COL26A1: variants seen among roughly 807,000 people sequenced by gnomAD.
COL26A1 encodes the protein collagen alpha-1(XXVI) chain.
In COL26A1, 41 loss-of-function variants were observed where a neutral mutation model predicts 59.3. The ratio of observed to expected loss-of-function variants is 0.69; its 90% CI spans 0.54 to 0.90. The LOEUF (loss-of-function observed/expected upper bound fraction) is 0.90, where lower values mean the gene tolerates loss of function less well. Ranked by LOEUF, COL26A1 falls within the 40% of genes least tolerant of loss-of-function variation. COL26A1 has a pLI of 0.00. For missense variants in COL26A1, 612 were observed against 602.3 expected, an observed-to-expected ratio of 1.02 and a Z score of -0.17; for synonymous variants, 266 against 256.0, an observed-to-expected ratio of 1.04 and a Z score of -0.37.
chr7:101,536,856 G>A (rs564195847), intron 4 of COL26A1, among the ~76,000 whole-genome samples: 2 of 152,344 alleles, frequency 1.3e-5, no homozygotes, highest in Admixed American at 1.3e-4. Context: ...TGATTATAAA[G>A]TGGCTGCTGC....
At chr7:101,386,329 G>A (rs1791577094) in intron 1 of COL26A1, among the ~76,000 whole-genome samples, 1 of 150,872 alleles carries the variant, frequency 6.6e-6, no homozygotes, top group Non-Finnish European at 1.5e-5. Flanking sequence ...AAGTGCAGTG[G>A]CACGATCACG....
At chr7:101,542,883 G>A (rs868596961) in intron 5 of COL26A1, among the ~76,000 whole-genome samples, 36 of 152,340 alleles carry the variant, frequency 2.4e-4, no homozygotes, top group African/African-American at 7.9e-4. Flanking sequence ...TTTCTTGGGG[G>A]ATGGAGGAGG....
At chr7:101,523,556 G>A (rs1795181441) in intron 3 of COL26A1, among the ~76,000 whole-genome samples, 1 of 152,066 alleles carries the variant, frequency 6.6e-6, no homozygotes, top group Non-Finnish European at 1.5e-5. Context: ...TTTTGCACGT[G>A]GTATGGATTA....
intron 2 of COL26A1, among the ~76,000 whole-genome samples, 184 bp from the exon 3 acceptor site, chr7:101,447,500 C>A (rs1793226262): frequency 6.6e-6 from 1 of 152,234 alleles, no homozygotes; most frequent in Non-Finnish European, 1.5e-5. Context: ...ATAACTTCCT[C>A]CGTTATGATT....
chr7:101,513,328 T>C (rs1425806510), intron 3 of COL26A1, among the ~76,000 whole-genome samples: 1 of 150,764 alleles, frequency 6.6e-6, no homozygotes, highest in African/African-American at 2.4e-5. Flanking sequence ...TTATTTATTT[T>C]TATTTTTATT....
intron 1 of COL26A1, among the ~76,000 whole-genome samples, chr7:101,406,245 C>T (rs2130221064): frequency 6.6e-6 from 1 of 152,288 alleles, no homozygotes; most frequent in South Asian, 2.1e-4. Flanking sequence ...TGGACAGTTC[C>T]AGTAAAAACT....
rs370309900 is a variant in COL26A1, at chr7:101,553,344, G to T, written c.1048G>T (p.Gly350Trp). 1.2e-6 allele frequency: 2 copies of T among 1,613,716 alleles called. No individual in the cohort carries two copies. The highest frequency in any genetic ancestry group is 1.7e-5 in the Admixed American group (1 of 60,000). ...VGPSGEPGVK[G>W]EEGEKAATAE... ...TTCTTAGGGTGAACCTGGCGTGAAGGGGGAAGAAGGAGAGAAAGCCGCCAC... is the reference window on the plus strand; with the variant it reads ...TTCTTAGGGTGAACCTGGCGTGAAGTGGGAAGAAGGAGAGAAAGCCGCCAC... Residue 350 changes from glycine (G) to tryptophan (W), a missense_variant, in exon 11 of 13, where the codon GGG (glycine) becomes TGG (tryptophan). By Grantham distance (184) the Gly-to-Trp change is radical. Coordinates refer to ENST00000313669, the MANE Select transcript of COL26A1 (RefSeq NM_001278563.3).
chr7:101,397,034 G>A (rs1791871589), intron 1 of COL26A1, among the ~76,000 whole-genome samples: 1 of 152,160 alleles, frequency 6.6e-6, no homozygotes, highest in Non-Finnish European at 1.5e-5. Context: ...AGCATGGGAT[G>A]GAGAGACATG....
At position 101,362,935 on chromosome 7, in the gene COL26A1, G is replaced by C. The variant is rs4989271; in HGVS notation, c.-98G>C. On this transcript the variant is annotated 5_prime_UTR_variant, in exon 1 of 13. Coordinates refer to ENST00000313669, the MANE Select transcript of COL26A1 (RefSeq NM_001278563.3). ...GACCGCTCGCCCCGCTCCTCTCGCT[G>C]TGCTCCCGGCCGGTGCCGCGGGTTC... 667,866 of 1,286,428 alleles carry C rather than the reference G, an allele frequency of 0.52. 177,688 individuals are homozygous for C. The highest frequency in any genetic ancestry group is 0.81 in the African/African-American group (51,672 of 63,908). 79.7% of individuals were successfully genotyped at this position (1,286,428 alleles called of 1,614,324 possible). A position where few individuals can be genotyped will look rare whatever the true frequency, so the allele number is the denominator to read the frequency against.
chr7:101,528,513 T>G, intron 3 of COL26A1, among the ~76,000 whole-genome samples: 1 of 145,846 alleles, frequency 6.9e-6, no homozygotes, highest in Admixed American at 6.8e-5. Flanking sequence ...TTCCCTCCCC[T>G]TCCCTCTCCT....
At chr7:101,365,042 A>G (rs1178043512) in intron 1 of COL26A1, among the ~76,000 whole-genome samples, 3 of 152,190 alleles carry the variant, frequency 2.0e-5, no homozygotes, top group Non-Finnish European at 4.4e-5. Flanking sequence ...ATATACAGTC[A>G]TGGCTGAATA....
At chr7:101,400,353 A>ATTTTTTTTTTTTTT (rs574852983) in intron 1 of COL26A1, among the ~76,000 whole-genome samples, 2 of 97,256 alleles carry the variant, frequency 2.1e-5, no homozygotes, top group Non-Finnish European at 3.9e-5. Context: ...TTTTTTTCCT[A>ATTTTTTTTTTTTTT]TTTTTTTTTT....
chr7:101,486,402 G>A (rs901359240), intron 3 of COL26A1, among the ~76,000 whole-genome samples: 3 of 152,168 alleles, frequency 2.0e-5, no homozygotes, highest in Admixed American at 2.0e-4. Flanking sequence ...GGGTTCACAG[G>A]CCAGCCTCAG....
In COL26A1 at chr7:101,461,305, C is replaced by T. The variant is rs932655558; in HGVS notation, c.385+13518C>T. ...TGCACCTGCCCTCCTCCTCCTCCTC[C>T]TTCTTTTTTTTTGACGGAGTTTCGC... On this transcript the variant is annotated intron_variant, in intron 3 of 12. Coordinates refer to ENST00000313669, the MANE Select transcript of COL26A1 (RefSeq NM_001278563.3). Among the ~76,000 whole-genome samples, 4 of 88,798 alleles carry T rather than the reference C, an allele frequency of 4.5e-5. No individual in the cohort carries two copies. In the East Asian group the frequency reaches 9.4e-4, roughly 21 times the overall value. The allele number at this position is 88,798 out of a possible 152,430, so 58.3% of individuals were successfully genotyped here.
chr7:101,391,114 GC>G (rs1309821308), intron 1 of COL26A1, among the ~76,000 whole-genome samples: 1 of 152,208 alleles, frequency 6.6e-6, no homozygotes, highest in African/African-American at 2.4e-5. Flanking sequence ...GATGGGGAGG[GC>G]CCCAGCCCTT....
chr7:101,432,591 T>C (rs1792807667), intron 2 of COL26A1, among the ~76,000 whole-genome samples: 2 of 152,052 alleles, frequency 1.3e-5, no homozygotes, highest in South Asian at 2.1e-4. Flanking sequence ...AAGCCATCCA[T>C]AGGGAAAGGG....
At chr7:101,398,296 T>A (rs1791906297) in intron 1 of COL26A1, among the ~76,000 whole-genome samples, 1 of 152,202 alleles carries the variant, frequency 6.6e-6, no homozygotes, top group Admixed American at 6.5e-5. Flanking sequence ...TGAGGAGACC[T>A]GGAGATTAGG....
chr7:101,513,321 T>C (rs1478452025), intron 3 of COL26A1, among the ~76,000 whole-genome samples: 1 of 151,418 alleles, frequency 6.6e-6, no homozygotes, highest in Non-Finnish European at 1.5e-5. Context: ...ATTTATTTTA[T>C]TTATTTTTAT....
chr7:101,385,861 C>T (rs1361486400), intron 1 of COL26A1, among the ~76,000 whole-genome samples: 1 of 151,908 alleles, frequency 6.6e-6, no homozygotes, highest in Non-Finnish European at 1.5e-5. Flanking sequence ...CCCACCACCA[C>T]GCCCGGCTAA....
Sources: allele counts gnomAD v4.1 joint callset (sites outside exome capture counted in the v4.1 genomes callset), GRCh38; gene constraint gnomAD v4.1.1; transcripts MANE v1.5; gene names NCBI Gene and HGNC (gene_info 2026-07-23, HGNC 2026-07-21).